The following RBFOX1 variants were observed in gnomAD, a reference collection of about 807,000 sequenced individuals.
RBFOX1 encodes the protein RNA binding fox-1 homolog 1, also known as RNA binding protein fox-1 homolog 1.
In RBFOX1, 8 loss-of-function variants were observed where a neutral mutation model predicts 57.7. The observed-to-expected ratio is 0.14, with a 90% CI of 0.08 to 0.25. The LOEUF (loss-of-function observed/expected upper bound fraction) is 0.25, where lower values mean the gene tolerates loss of function less well. Among genes scored for constraint, RBFOX1 ranks in the 10% least tolerant of loss-of-function variants. The pLI is 1.00. For synonymous variants in RBFOX1, 326 were observed against 222.4 expected, an observed-to-expected ratio of 1.47 and a Z score of -4.15; for missense variants, 611 against 548.5, an observed-to-expected ratio of 1.11 and a Z score of -1.14.
At chr16:5,468,258 A>G (rs536116) in intron 2 of RBFOX1, among the ~76,000 whole-genome samples, 21,158 of 152,190 alleles carry the variant, frequency 0.14, 2,827 homozygotes, top group African/African-American at 0.35. Context: ...GTACCTTCAC[A>G]GTGTTGGGCA....
intron 1 of RBFOX1, among the ~76,000 whole-genome samples, chr16:6,287,676 A>C (rs1420037): frequency 0.82 from 125,006 of 151,844 alleles, 51,639 homozygotes; most frequent in East Asian, 0.99. Flanking sequence ...ATGTATGCAT[A>C]TATACATAAA....
chr16:5,984,970 ATATATATTTTTTTTT>A (rs2060254951), intron 4 of RBFOX1, among the ~76,000 whole-genome samples: 1 of 53,188 alleles, frequency 1.9e-5, no homozygotes. Context: ...ATATATATAT[ATATATATTTTTTTTT>A]TTTTTTTTTT....
intron 1 of RBFOX1, among the ~76,000 whole-genome samples, chr16:5,343,298 G>GTTTTTTTTTTTTTTTT (rs33934959): frequency 5.5e-5 from 6 of 109,956 alleles, no homozygotes; most frequent in African/African-American, 1.0e-4. Flanking sequence ...CTTCTTTGAA[G>GTTTTTTTTTTTTTTTT]TTTTTTTTTT....
At chr16:5,500,564 A>C (rs7206098) in intron 2 of RBFOX1, among the ~76,000 whole-genome samples, 40,672 of 152,038 alleles carry the variant, frequency 0.27, 9,545 homozygotes, top group African/African-American at 0.64. Context: ...TGCTAAACTT[A>C]CTTCATGCTC....
chr16:5,856,206 T>TATACAC (rs1159874642), intron 3 of RBFOX1, among the ~76,000 whole-genome samples: 1 of 40,508 alleles, frequency 2.5e-5, no homozygotes, highest in African/African-American at 7.9e-5. Flanking sequence ...TATATATATA[T>TATACAC]ACATATATAT....
intron 3 of RBFOX1, among the ~76,000 whole-genome samples, chr16:6,862,983 TA>T (rs555165914): frequency 2.2e-3 from 304 of 138,312 alleles, no homozygotes; most frequent in Admixed American, 2.2e-3. Context: ...AGACTCTGTC[TA>T]AAAAAAAAAA....
intron 1 of RBFOX1, among the ~76,000 whole-genome samples, chr16:5,295,800 C>T (rs1215904617): frequency 1.3e-5 from 2 of 152,190 alleles, no homozygotes; most frequent in African/African-American, 4.8e-5. Context: ...CCCACATTAA[C>T]AGGGAAGAGG....
At chr16:5,508,654 G>A (rs919577047) in intron 2 of RBFOX1, among the ~76,000 whole-genome samples, 1 of 151,994 alleles carries the variant, frequency 6.6e-6, no homozygotes, top group Non-Finnish European at 1.5e-5. Flanking sequence ...ATTGTACAGA[G>A]TGCCACACCC....
chr16:7,627,914 AT>A (rs34947164), intron 10 of RBFOX1, among the ~76,000 whole-genome samples: 32,065 of 146,488 alleles, frequency 0.22, 5,227 homozygotes, highest in African/African-American at 0.47. Flanking sequence ...TTGCATAAAG[AT>A]TTTTTTTTTT....
intron 1 of RBFOX1, among the ~76,000 whole-genome samples, chr16:5,450,339 G>A (rs2068384400): frequency 6.6e-6 from 1 of 152,176 alleles, no homozygotes; most frequent in Admixed American, 6.5e-5. Flanking sequence ...AAGGGTTCCA[G>A]GAAGAAGAGT....
chr16:7,120,694 G>GA (rs35456614), intron 4 of RBFOX1, among the ~76,000 whole-genome samples: 12,891 of 135,826 alleles, frequency 0.095, 651 homozygotes, highest in East Asian at 0.19. Flanking sequence ...TTAATGTTGG[G>GA]AAAAAAAAAA....
rs947967084 is a variant in RBFOX1, at chr16:5,995,602, A to G, written c.351+128267A>G. Among the ~76,000 whole-genome samples, 6 of 152,218 alleles carry G rather than the reference A, an allele frequency of 3.9e-5. No homozygotes were observed. The East Asian group carries it at 5.8e-4, about 15-fold the overall frequency. The stretch of plus-strand genomic sequence containing the variant: ...TGTGAGGACTTAGCTGTAGAATTCA[A>G]TTTTCTAAAATAGAATGGACAGACA... On this transcript the variant is annotated intron_variant, in intron 4 of 19. Transcript: ENST00000641259.
At chr16:7,121,144 C>G (rs1471660123) in intron 4 of RBFOX1, among the ~76,000 whole-genome samples, 1 of 151,932 alleles carries the variant, frequency 6.6e-6, no homozygotes. Context: ...ACAAACAACC[C>G]CACAGCTAAT....
At chr16:6,720,138 A>T (rs370725975) in intron 3 of RBFOX1, among the ~76,000 whole-genome samples, 14 of 152,244 alleles carry the variant, frequency 9.2e-5, no homozygotes, top group African/African-American at 3.4e-4. Context: ...AATGTTAGTA[A>T]AGTGCATGCT....
chr16:6,542,893 G>C (rs537212822), intron 2 of RBFOX1, among the ~76,000 whole-genome samples: 2 of 152,006 alleles, frequency 1.3e-5, no homozygotes, highest in African/African-American at 4.8e-5. Flanking sequence ...ACTTCCTCTG[G>C]GTACATTAGT....
Position 5,598,122 on chromosome 16 carries a change from C to T in RBFOX1, c.259-780C>T, listed in dbSNP as rs1044355173. Among the ~76,000 whole-genome samples, 4 of 151,936 alleles carry T rather than the reference C, an allele frequency of 2.6e-5. 1 individual carries two copies. The highest frequency in any genetic ancestry group is 5.9e-5 in the Non-Finnish European group (4 of 67,992). ...GACCAGCCTGGCCAACATGGCGATT[C>T]CCTGTATCTACTAAAAATACAAAAA... On this transcript the variant is annotated intron_variant, in intron 2 of 2. Coordinates refer to the RBFOX1 transcript ENST00000585867.
chr16:7,120,566 C>G (rs954507740), intron 4 of RBFOX1, among the ~76,000 whole-genome samples: 22 of 151,342 alleles, frequency 1.5e-4, no homozygotes, highest in Non-Finnish European at 2.4e-4. Flanking sequence ...CAACCATTAC[C>G]AAAACTTATT....
At chr16:6,570,008 C>G (rs754664524) in intron 2 of RBFOX1, among the ~76,000 whole-genome samples, 1 of 152,172 alleles carries the variant, frequency 6.6e-6, no homozygotes, top group Non-Finnish European at 1.5e-5. Flanking sequence ...CCCTTGCATT[C>G]TCTTCTGGTT....
chr16:7,646,858 A>C (rs762173206), intron 11 of RBFOX1, among the ~76,000 whole-genome samples: 1 of 152,164 alleles, frequency 6.6e-6, no homozygotes, highest in Non-Finnish European at 1.5e-5. Flanking sequence ...TTTCGAAGGT[A>C]AGCACCATGT....
Sources: allele counts gnomAD v4.1 joint callset (sites outside exome capture counted in the v4.1 genomes callset), GRCh38; gene constraint gnomAD v4.1.1; transcripts MANE v1.5; gene names NCBI Gene and HGNC (gene_info 2026-07-23, HGNC 2026-07-21).